Variants in GLRA2 observed in about 807,000 individuals in gnomAD.
The protein encoded by GLRA2 is glycine receptor subunit alpha-2.
In GLRA2, 11 loss-of-function variants were observed where a neutral mutation model predicts 31.6. The ratio of observed to expected loss-of-function variants is 0.35; its 90% CI spans 0.22 to 0.58. The LOEUF (loss-of-function observed/expected upper bound fraction) is 0.58. GLRA2 is among the 20% of genes least tolerant of loss of function. The pLI is 0.84. For synonymous variants in GLRA2, 132 were observed against 134.0 expected (o/e 0.99, Z 0.10); for missense variants, 212 against 351.8 (o/e 0.60, Z 3.18).
At chrX:14,486,018 T>A in the GLRA2 span, among the ~76,000 whole-genome samples, 1 of 111,956 alleles carries the variant, frequency 8.9e-6, no homozygotes, top group Non-Finnish European at 1.9e-5. Context: ...GGCTCCTTTA[T>A]TCCAACATTA....
At chrX:14,666,047 C>T (rs2091035707) in intron 7 of GLRA2, among the ~76,000 whole-genome samples, 1 of 98,285 alleles carries the variant, frequency 1.0e-5, no homozygotes, top group African/African-American at 3.9e-5. Context: ...GTTTATCCTA[C>T]ACAAAATACA....
the GLRA2 span, among the ~76,000 whole-genome samples, chrX:14,453,308 G>T: frequency 9.0e-6 from 1 of 111,088 alleles, no homozygotes; most frequent in African/African-American, 3.3e-5. Context: ...TTTTAATAAA[G>T]GCAAGAAGGG....
the GLRA2 span, among the ~76,000 whole-genome samples, chrX:14,514,683 T>TA: frequency 1.8e-5 from 2 of 111,570 alleles, no homozygotes; most frequent in African/African-American, 6.5e-5. Flanking sequence ...ATTCTCCAGT[T>TA]AAAAATGTTA....
At chrX:14,680,383 G>A (rs1051505893) in intron 7 of GLRA2, among the ~76,000 whole-genome samples, 1 of 111,962 alleles carries the variant, frequency 8.9e-6, no homozygotes, top group Non-Finnish European at 1.9e-5. Flanking sequence ...TGCTATGCCT[G>A]AAAAGATACC....
At chrX:14,699,659 A>G (rs978387850) in intron 8 of GLRA2, among the ~76,000 whole-genome samples, 1 of 111,885 alleles carries the variant, frequency 8.9e-6, no homozygotes, top group African/African-American at 3.3e-5. Flanking sequence ...ATAGAAGACC[A>G]GAACTTATTC....
chrX:14,635,606 T>C (rs1241198896), intron 7 of GLRA2, among the ~76,000 whole-genome samples: 2 of 111,777 alleles, frequency 1.8e-5, no homozygotes, highest in Non-Finnish European at 3.8e-5. Context: ...AAGAGAAACA[T>C]GAAGGCCAAA....
chrX:14,532,293 C>T lies in GLRA2; in HGVS notation c.123C>T (p.Thr41=), dbSNP rs1006422393. The change falls in exon 2 of 9, where the codon ACC becomes ACT. Residue 41 remains threonine, a synonymous_variant. Transcript: ENST00000218075. ...GGTCTGGAAAACAACCTTCACAGAC[C>T]CTATCTCCTTCAGATTTCTTGGACA... ...DSRSGKQPSQ[T]LSPSDFLDKL... is the part of the protein sequence containing the mutation. The T allele has an allele frequency of 1.7e-6, 2 of 1,188,390 alleles. No homozygotes were observed. The highest frequency in any genetic ancestry group is 4.7e-4 in the Middle Eastern group (2 of 4,288).
At chrX:14,450,593 C>T in the GLRA2 span, among the ~76,000 whole-genome samples, 1 of 111,926 alleles carries the variant, frequency 8.9e-6, no homozygotes, top group East Asian at 2.8e-4. Context: ...TACTCTTAAG[C>T]GCCACTATTG....
the GLRA2 span, among the ~76,000 whole-genome samples, chrX:14,456,621 T>C: frequency 8.9e-6 from 1 of 112,200 alleles, no homozygotes; most frequent in African/African-American, 3.2e-5. Context: ...TTAACTTTCT[T>C]TTTCTGGCTT....
the GLRA2 span, among the ~76,000 whole-genome samples, chrX:14,450,103 T>C: frequency 9.0e-6 from 1 of 111,535 alleles, no homozygotes; most frequent in African/African-American, 3.3e-5. Context: ...GAGACCTAGT[T>C]GGGGGAGCGT....
upstream of GLRA2, among the ~76,000 whole-genome samples, chrX:14,528,499 C>T (rs777670406): frequency 9.0e-6 from 1 of 111,686 alleles, no homozygotes; most frequent in Admixed American, 9.5e-5. Flanking sequence ...TTTTTCATTC[C>T]CCCTTCCCAG....
chrX:14,482,445 A>T, the GLRA2 span, among the ~76,000 whole-genome samples: 1 of 110,959 alleles, frequency 9.0e-6, no homozygotes, highest in East Asian at 2.8e-4. Flanking sequence ...GAGGGTGGGG[A>T]AACTTTCACC....
the GLRA2 span, among the ~76,000 whole-genome samples, chrX:14,512,535 C>CA: frequency 0.014 from 1,530 of 111,518 alleles, 15 homozygotes; most frequent in Middle Eastern, 0.037. Flanking sequence ...AAGACTTCTT[C>CA]AAAAAACTCC....
At chrX:14,623,507 A>G (rs1403641064) in intron 7 of GLRA2, among the ~76,000 whole-genome samples, 2 of 111,154 alleles carry the variant, frequency 1.8e-5, no homozygotes, top group East Asian at 5.6e-4. Flanking sequence ...AGCTCTTATT[A>G]TTTTGAAATA....
intron 4 of GLRA2, among the ~76,000 whole-genome samples, chrX:14,602,381 T>TTG (rs987119882): frequency 6.3e-5 from 7 of 110,691 alleles, no homozygotes; most frequent in Non-Finnish European, 1.1e-4. Context: ...GTTTGTTTGT[T>TTG]TGTTTGTTTT....
At chrX:14,667,058 T>G (rs2091044498) in intron 7 of GLRA2, among the ~76,000 whole-genome samples, 2 of 112,462 alleles carry the variant, frequency 1.8e-5, no homozygotes, top group Non-Finnish European at 3.8e-5. Flanking sequence ...TACGGTGATT[T>G]GTTGACTTAT....
At chrX:14,507,686 A>ATTATT in the GLRA2 span, among the ~76,000 whole-genome samples, 1 of 56,053 alleles carries the variant, frequency 1.8e-5, no homozygotes, top group Non-Finnish European at 3.9e-5. Context: ...TACGAAAGAC[A>ATTATT]TTCTTTTTTT....
intron 7 of GLRA2, among the ~76,000 whole-genome samples, chrX:14,663,222 A>G (rs1428974743): frequency 9.0e-6 from 1 of 111,454 alleles, no homozygotes; most frequent in African/African-American, 3.2e-5. Flanking sequence ...ATATTTCCCC[A>G]TTAAACATAG....
At chrX:14,517,328 T>C in the GLRA2 span, among the ~76,000 whole-genome samples, 1 of 112,256 alleles carries the variant, frequency 8.9e-6, no homozygotes, top group African/African-American at 3.2e-5. Flanking sequence ...TAGAAGATTG[T>C]ATTAGTCCAT....
Sources: allele counts gnomAD v4.1 joint callset (sites outside exome capture counted in the v4.1 genomes callset), GRCh38; gene constraint gnomAD v4.1.1; transcripts MANE v1.5; gene names NCBI Gene and HGNC (gene_info 2026-07-23, HGNC 2026-07-21).